Variants in JAZF1 observed in about 807,000 individuals in gnomAD.
JAZF1 encodes the protein juxtaposed with another zinc finger protein 1.
JAZF1 carries 8 observed loss-of-function variants against 26.4 expected under a neutral mutation model. The observed-to-expected ratio is 0.30, with a 90% CI of 0.18 to 0.55. JAZF1 has a LOEUF of 0.55. JAZF1 is among the 20% of genes least tolerant of loss of function. The pLI is 0.94. For missense variants in JAZF1, 199 were observed against 322.0 expected, an observed-to-expected ratio of 0.62 and a Z score of 2.92; for synonymous variants, 126 against 122.3, an observed-to-expected ratio of 1.03 and a Z score of -0.20.
chr7:28,070,345 A>G (rs370804440), intron 1 of JAZF1, among the ~76,000 whole-genome samples: 2 of 152,330 alleles, frequency 1.3e-5, no homozygotes. Context: ...CTTGGAAATA[A>G]GAAGTTGAAA....
chr7:28,085,129 T>C (rs73302942), intron 1 of JAZF1, among the ~76,000 whole-genome samples: 7,552 of 152,292 alleles, frequency 0.05, 646 homozygotes, highest in African/African-American at 0.17. Context: ...GTGTGCAACA[T>C]TGTCTTGCCA....
intron 3 of JAZF1, among the ~76,000 whole-genome samples, chr7:27,894,150 A>G (rs761366147): frequency 6.6e-6 from 1 of 152,160 alleles, no homozygotes; most frequent in Non-Finnish European, 1.5e-5. Flanking sequence ...AACAGGTGTA[A>G]GCTCCTGAGG....
intron 2 of JAZF1, among the ~76,000 whole-genome samples, chr7:27,985,851 A>C (rs1347304267): frequency 6.6e-6 from 1 of 152,184 alleles, no homozygotes; most frequent in Non-Finnish European, 1.5e-5. Context: ...AAAGACAAAA[A>C]CCACATGATT....
intron 1 of JAZF1, among the ~76,000 whole-genome samples, chr7:28,022,100 G>A (rs1209951319): frequency 6.6e-6 from 1 of 152,226 alleles, no homozygotes; most frequent in African/African-American, 2.4e-5. Flanking sequence ...TTCACAGAAA[G>A]CACTGAAGAC....
At chr7:27,993,713 G>C (rs1583497960) in intron 1 of JAZF1, among the ~76,000 whole-genome samples, 1 of 152,112 alleles carries the variant, frequency 6.6e-6, no homozygotes, top group East Asian at 1.9e-4. Flanking sequence ...GAAAAGAAAG[G>C]AGGAAGGTAA....
chr7:27,902,107 T>A (rs1162024915), intron 2 of JAZF1, among the ~76,000 whole-genome samples: 7 of 152,182 alleles, frequency 4.6e-5, no homozygotes, highest in African/African-American at 1.7e-4. Context: ...ACTTACAGAT[T>A]TTATTGTATT....
intron 1 of JAZF1, among the ~76,000 whole-genome samples, chr7:28,141,255 A>C (rs1312822199): frequency 6.6e-6 from 1 of 152,226 alleles, no homozygotes; most frequent in Non-Finnish European, 1.5e-5. Flanking sequence ...AGCACCTCCT[A>C]CATGGAAAGC....
At chr7:28,144,355 GCATC>G (rs1782996584) in intron 1 of JAZF1, among the ~76,000 whole-genome samples, 6 of 152,252 alleles carry the variant, frequency 3.9e-5, no homozygotes, top group Non-Finnish European at 7.3e-5. Flanking sequence ...TCAGCACACT[GCATC>G]GAAAGAGAAA....
chr7:27,851,369 G>A (rs1038453577), intron 3 of JAZF1, among the ~76,000 whole-genome samples: 1 of 152,158 alleles, frequency 6.6e-6, no homozygotes, highest in African/African-American at 2.4e-5. Context: ...ACACATCAAG[G>A]CTGGGCATGG....
At chr7:27,969,404 G>A (rs1785335431) in intron 2 of JAZF1, among the ~76,000 whole-genome samples, 1 of 152,078 alleles carries the variant, frequency 6.6e-6, no homozygotes, top group South Asian at 2.1e-4. Context: ...GGGAAATTTC[G>A]GTGGTCACGG....
chr7:28,043,540 G>A (rs565185083), intron 1 of JAZF1, among the ~76,000 whole-genome samples: 7 of 152,208 alleles, frequency 4.6e-5, no homozygotes, highest in South Asian at 4.2e-4. Flanking sequence ...TGAGTTAAAC[G>A]TTGCTCTAAA....
chr7:27,847,038 C>T (rs963004748), intron 3 of JAZF1, among the ~76,000 whole-genome samples: 12 of 152,044 alleles, frequency 7.9e-5, no homozygotes, highest in South Asian at 4.1e-4. Flanking sequence ...GGCACGATCT[C>T]GGCTCACCAC....
At position 28,180,586 on chromosome 7, in the gene JAZF1, A is replaced by C; in HGVS notation, c.-9T>G. 1 of 1,584,800 alleles carries C rather than the reference A, an allele frequency of 6.3e-7. No individual in the cohort carries two copies. The highest frequency in any genetic ancestry group is 8.6e-7 in the Non-Finnish European group (1 of 1,162,954). ...GCGGCGATGCCTGTCATGGTGCTAC[A>C]TCGAGAGCCCCCCTGGTGTCGGCTC... On this transcript the variant is annotated 5_prime_UTR_variant, in exon 1 of 5. It removes an upstream start codon present in the reference 5' UTR. Coordinates refer to ENST00000283928, the MANE Select transcript of JAZF1 (RefSeq NM_175061.4).
intron 1 of JAZF1, among the ~76,000 whole-genome samples, chr7:28,043,801 T>TA (rs886631164): frequency 2.0e-3 from 297 of 145,846 alleles, no homozygotes; most frequent in East Asian, 0.012. Flanking sequence ...TATTCAGCCA[T>TA]AAAAAAAAAA....
At chr7:28,072,786 T>C (rs1783996575) in intron 1 of JAZF1, among the ~76,000 whole-genome samples, 1 of 152,228 alleles carries the variant, frequency 6.6e-6, no homozygotes, top group African/African-American at 2.4e-5. Flanking sequence ...CTTTGTATCA[T>C]TTAAATTTTT....
intron 3 of JAZF1, among the ~76,000 whole-genome samples, chr7:27,881,250 A>G (rs1783765493): frequency 6.6e-6 from 1 of 152,184 alleles, no homozygotes; most frequent in Non-Finnish European, 1.5e-5. Context: ...TAGCCCATCT[A>G]GCCCTTCAGA....
chr7:27,911,151 G>A (rs1178282031), intron 2 of JAZF1, among the ~76,000 whole-genome samples: 1 of 152,146 alleles, frequency 6.6e-6, no homozygotes, highest in Non-Finnish European at 1.5e-5. Context: ...GTTTTTAGGT[G>A]TTCCCAACGG....
At chr7:27,846,987 G>C (rs1025066034) in intron 3 of JAZF1, among the ~76,000 whole-genome samples, 9 of 151,476 alleles carry the variant, frequency 5.9e-5, no homozygotes, top group African/African-American at 2.2e-4. Context: ...TTATTTTTTT[G>C]AGATGGAGTT....
intron 1 of JAZF1, among the ~76,000 whole-genome samples, chr7:28,094,461 A>G (rs1474438708): frequency 6.6e-6 from 1 of 152,210 alleles, no homozygotes; most frequent in African/African-American, 2.4e-5. Context: ...TCCGCTCCGT[A>G]GCACGAAAAG....
Sources: gnomAD v4.1 joint callset for allele counts (sites outside exome capture counted in the v4.1 genomes callset) on GRCh38, gnomAD v4.1.1 for gene constraint, MANE v1.5 for transcripts, NCBI Gene and HGNC (gene_info 2026-07-23, HGNC 2026-07-21) for gene names.